SLC4A10: variants seen among roughly 807,000 people sequenced by gnomAD.
The protein encoded by SLC4A10 is sodium-driven chloride bicarbonate exchanger.
SLC4A10 carries 42 observed loss-of-function variants against 137.7 expected under a neutral mutation model. The observed-to-expected ratio is 0.30, with a 90% CI of 0.24 to 0.39. The LOEUF is 0.39. SLC4A10 is among the 10% of genes least tolerant of loss of function. The probability of loss-of-function intolerance (pLI) is 1.00; values close to 1 mark genes in which losing one functional copy is unlikely to be tolerated. For synonymous variants in SLC4A10, 474 were observed against 464.1 expected, an observed-to-expected ratio of 1.02 and a Z score of -0.27; for missense variants, 925 against 1,355.0, an observed-to-expected ratio of 0.68 and a Z score of 4.98.
chr2:161,977,520 T>C (rs904932752), intron 25 of SLC4A10, among the ~76,000 whole-genome samples: 2 of 152,174 alleles, frequency 1.3e-5, no homozygotes, highest in African/African-American at 4.8e-5. Context: ...CTAGGATTTA[T>C]AAATAAGAGT....
intron 1 of SLC4A10, among the ~76,000 whole-genome samples, chr2:161,643,564 A>G (rs1366926357): frequency 6.6e-6 from 1 of 152,112 alleles, no homozygotes; most frequent in African/African-American, 2.4e-5. Flanking sequence ...GAAATGGTAT[A>G]TATCTTACAT....
chr2:161,637,455 C>G (rs2034628497), intron 1 of SLC4A10, among the ~76,000 whole-genome samples: 1 of 152,092 alleles, frequency 6.6e-6, no homozygotes, highest in African/African-American at 2.4e-5. Flanking sequence ...CCCACTTTGG[C>G]TTCCCAAAGT....
intron 1 of SLC4A10, among the ~76,000 whole-genome samples, chr2:161,705,959 C>G (rs2043618875): frequency 6.6e-6 from 1 of 151,540 alleles, no homozygotes; most frequent in African/African-American, 2.4e-5. Context: ...CTTAATAACA[C>G]TGGTATGAGT....
chr2:161,964,977 A>G, intron 22 of SLC4A10, 74 bp from the exon 23 acceptor site: 1 of 1,427,452 alleles, frequency 7.0e-7, no homozygotes, highest in Non-Finnish European at 9.5e-7. Flanking sequence ...TTTCTACCAA[A>G]AACCATACAG....
intron 12 of SLC4A10, among the ~76,000 whole-genome samples, chr2:161,902,627 C>T (rs906835520): frequency 6.6e-6 from 1 of 152,148 alleles, no homozygotes; most frequent in African/African-American, 2.4e-5. Context: ...CCCTCTCCTA[C>T]TCCATAGCTC....
chr2:161,631,070 T>C, intron 1 of SLC4A10, among the ~76,000 whole-genome samples: 1 of 151,748 alleles, frequency 6.6e-6, no homozygotes, highest in East Asian at 1.9e-4. Context: ...ATTCCATTTA[T>C]ATGAAATGTC....
intron 10 of SLC4A10, among the ~76,000 whole-genome samples, chr2:161,891,236 T>C (rs1398290636): frequency 6.6e-6 from 1 of 152,164 alleles, no homozygotes; most frequent in Non-Finnish European, 1.5e-5. Context: ...CATTTTTCCC[T>C]TCATTTCAAC....
At chr2:161,756,818 AAT>A (rs1355440930) in intron 1 of SLC4A10, among the ~76,000 whole-genome samples, 2 of 152,268 alleles carry the variant, frequency 1.3e-5, no homozygotes, top group African/African-American at 4.8e-5. Context: ...AAAGAATCAA[AAT>A]ATATAACTGT....
rs1436827944 is a variant in SLC4A10, at chr2:161,977,839, C to CTA, written c.*26+81_*26+82dup. 3.7e-6 allele frequency: 5 copies of CTA among 1,347,880 alleles called. No individual in the cohort carries two copies. In the Admixed American group the frequency reaches 7.8e-5, roughly 21 times the overall value. The allele number at this position is 1,347,880 out of a possible 1,614,324, so 83.5% of individuals were successfully genotyped here. ...GGTGTCTTCTAGAAACCTGGTCAGT[C>CTA]TATGTCCTCTGTGTGAGTTTTGGGG... is the stretch of plus-strand genomic sequence containing the variant. On this transcript the variant is annotated intron_variant, in intron 26 of 26. Coordinates refer to ENST00000446997, the MANE Select transcript of SLC4A10 (RefSeq NM_001178015.2).
intron 10 of SLC4A10, among the ~76,000 whole-genome samples, chr2:161,885,199 T>C (rs1254808921): frequency 2.0e-5 from 3 of 151,222 alleles, no homozygotes; most frequent in Admixed American, 1.3e-4. Context: ...AATAGATAAA[T>C]AAATAAGAAA....
intron 15 of SLC4A10, among the ~76,000 whole-genome samples, chr2:161,906,453 T>C (rs990990468): frequency 5.3e-5 from 8 of 152,194 alleles, no homozygotes; most frequent in African/African-American, 1.7e-4. Context: ...CAGTCCGGGA[T>C]TGAAGATGTG....
intron 15 of SLC4A10, among the ~76,000 whole-genome samples, chr2:161,939,836 T>C (rs931682660): frequency 6.6e-6 from 1 of 152,100 alleles, no homozygotes; most frequent in Admixed American, 6.5e-5. Context: ...TCTATAAAAA[T>C]ATAGAAATCT....
chr2:161,881,416 A>G (rs1327287565), intron 9 of SLC4A10, among the ~76,000 whole-genome samples: 1 of 152,024 alleles, frequency 6.6e-6, no homozygotes, highest in Non-Finnish European at 1.5e-5. Flanking sequence ...TGGCACACAC[A>G]AAAAATATTG....
chr2:161,782,151 C>T (rs2053102766), intron 2 of SLC4A10, among the ~76,000 whole-genome samples: 1 of 152,070 alleles, frequency 6.6e-6, no homozygotes, highest in Non-Finnish European at 1.5e-5. Context: ...CTTTCAGCTT[C>T]TCCCTGGGGA....
chr2:161,965,313 T>G, intron 23 of SLC4A10, 140 bp downstream of exon 23: 2 of 800,866 alleles, frequency 2.5e-6, no homozygotes, highest in East Asian at 6.3e-5. Flanking sequence ...TAGACTAGTT[T>G]GGAAGTTTAA....
chr2:161,823,812 G>A (rs1330245297), intron 3 of SLC4A10, among the ~76,000 whole-genome samples: 3 of 152,206 alleles, frequency 2.0e-5, no homozygotes, highest in Admixed American at 6.5e-5. Flanking sequence ...ATTCTGGGGG[G>A]AAAATGCCAC....
intron 6 of SLC4A10, among the ~76,000 whole-genome samples, chr2:161,864,260 CT>C (rs2060606500): frequency 6.6e-6 from 1 of 152,010 alleles, no homozygotes; most frequent in South Asian, 2.1e-4. Flanking sequence ...TTTTCAAATG[CT>C]TTACTGGAAA....
intron 15 of SLC4A10, among the ~76,000 whole-genome samples, chr2:161,940,674 T>A (rs1692516724): frequency 6.6e-6 from 1 of 152,178 alleles, no homozygotes; most frequent in Non-Finnish European, 1.5e-5. Context: ...ATGTAAGTTC[T>A]GGTGGAAAGC....
intron 7 of SLC4A10, 181 bp from the exon 8 acceptor site, chr2:161,873,735 T>A: frequency 1.9e-6 from 1 of 522,452 alleles, no homozygotes. Context: ...GTAGAGGAAG[T>A]AGCCTGAATC....
Sources: allele counts gnomAD v4.1 joint callset (sites outside exome capture counted in the v4.1 genomes callset), GRCh38; gene constraint gnomAD v4.1.1; transcripts MANE v1.5; gene names NCBI Gene and HGNC (gene_info 2026-07-23, HGNC 2026-07-21).